TDRD12: variants seen among roughly 807,000 people sequenced by gnomAD.
The protein encoded by TDRD12 is tudor domain containing 12.
Under a neutral mutation model 133.5 loss-of-function variants are expected in TDRD12, and 158 were observed. The observed-to-expected ratio is 1.18, with a 90% CI of 1.04 to 1.35. The LOEUF (loss-of-function observed/expected upper bound fraction) is 1.35, where lower values mean the gene tolerates loss of function less well. TDRD12 is among the 40% of genes most tolerant of loss of function. TDRD12 has a pLI of 0.00. For missense variants in TDRD12, 1,443 were observed against 1,321.3 expected (o/e 1.09, Z -1.43); for synonymous variants, 460 against 477.9 (o/e 0.96, Z 0.49).
chr19:32,776,246 A>G (rs181640177), intron 10 of TDRD12, among the ~76,000 whole-genome samples: 1 of 152,332 alleles, frequency 6.6e-6, no homozygotes, highest in Admixed American at 6.5e-5. Flanking sequence ...TACCTTGAGA[A>G]TAAAACAAGT....
At chr19:32,742,895 C>T (rs1406007694) in exon 4 of TDRD12, 1 of 1,551,472 alleles carries the variant, frequency 6.4e-7, no homozygotes, top group South Asian at 1.2e-5. Context: ...ACAGTACTGA[C>T]ATTGTGTAAG....
chr19:32,727,099 AT>A (rs1175030755), intron 1 of TDRD12, among the ~76,000 whole-genome samples: 1 of 151,992 alleles, frequency 6.6e-6, no homozygotes, highest in African/African-American at 2.4e-5. Flanking sequence ...CCAACACATT[AT>A]TTTCTGTTTT....
At chr19:32,790,398 C>T in intron 11 of TDRD12, 133 bp from the exon 12 acceptor site, 1 of 850,598 alleles carries the variant, frequency 1.2e-6, no homozygotes, top group Non-Finnish European at 1.8e-6. Context: ...CAGAACAGAA[C>T]AGGCAGCAGT....
At chr19:32,748,662 A>T (rs1386038045) in intron 5 of TDRD12, 131 bp downstream of exon 5, 3 of 787,708 alleles carry the variant, frequency 3.8e-6, no homozygotes, top group Non-Finnish European at 5.9e-6. Context: ...TCCCTAAGCT[A>T]CCTGGGGCTT....
intron 11 of TDRD12, among the ~76,000 whole-genome samples, chr19:32,781,170 C>T (rs891534604): frequency 6.6e-6 from 1 of 152,086 alleles, no homozygotes; most frequent in Non-Finnish European, 1.5e-5. Flanking sequence ...GTCTCTATCT[C>T]CTGACCTCAA....
chr19:32,814,204 A>G (rs1967099559), intron 25 of TDRD12, among the ~76,000 whole-genome samples: 1 of 152,010 alleles, frequency 6.6e-6, no homozygotes, highest in South Asian at 2.1e-4. Flanking sequence ...CATCCTGCAG[A>G]GCAGCCGTGG....
At chr19:32,731,794 T>G in exon 2 of TDRD12, 1 of 1,551,430 alleles carries the variant, frequency 6.4e-7, no homozygotes, top group Non-Finnish European at 8.7e-7. Flanking sequence ...TGATGTCGAT[T>G]ATCAAAAATT....
At chr19:32,807,293 AAAAG>A (rs1971581256) in intron 21 of TDRD12, among the ~76,000 whole-genome samples, 1 of 144,644 alleles carries the variant, frequency 6.9e-6, no homozygotes, top group Non-Finnish European at 1.5e-5. Flanking sequence ...AAAAAAAAAA[AAAAG>A]AAAGTTTGCT....
chr19:32,805,518 C>T lies in TDRD12; in HGVS notation c.2553-2031C>T, dbSNP rs112993972. Among the ~76,000 whole-genome samples, 1,380 of 152,026 alleles carry T rather than the reference C, an allele frequency of 9.1e-3. 16 individuals are homozygous for T. The highest frequency in any genetic ancestry group is 0.03 in the African/African-American group (1,238 of 41,456). On this transcript the variant is annotated intron_variant, in intron 21 of 27. Coordinates refer to ENST00000444215, the Ensembl canonical transcript of TDRD12. ...TCATTCGGTTCTCACTGCATGAGTG[C>T]GTTTGCCATGAGCCAGGTGATGGTA...
exon 18 of TDRD12, chr19:32,800,687 T>C: frequency 6.5e-7 from 1 of 1,535,758 alleles, no homozygotes; most frequent in Non-Finnish European, 8.7e-7. Context: ...TCTTCTTTAC[T>C]CCAAGCTCTT....
intron 3 of TDRD12, among the ~76,000 whole-genome samples, chr19:32,739,650 T>TA (rs1969340503): frequency 2.8e-5 from 4 of 142,398 alleles, no homozygotes; most frequent in African/African-American, 2.6e-5. Flanking sequence ...CTGCATCTCC[T>TA]GGTGCTCTCT....
At position 32,733,330 on chromosome 19, in the gene TDRD12, C is replaced by T. The variant is rs766782485; in HGVS notation, c.183+1447C>T. 9.2e-5 allele frequency among the ~76,000 whole-genome samples: 14 copies of T among 152,084 alleles called. 1 individual carries two copies. Among genetic ancestry groups the T allele is most frequent in the African/African-American group, 1.4e-4 (6 of 41,490 alleles). ...CTAAAAATACAAAAAATTAGCTGGG[C>T]GTGGTGGCAGGCACCTGTAATCCCA... is the stretch of plus-strand genomic sequence containing the variant. On this transcript the variant is annotated intron_variant, in intron 2 of 27. Transcript: ENST00000444215.
intron 10 of TDRD12, among the ~76,000 whole-genome samples, chr19:32,775,556 C>T (rs1298441474): frequency 6.6e-6 from 1 of 152,194 alleles, no homozygotes; most frequent in African/African-American, 2.4e-5. Context: ...TGGTCTCCAA[C>T]TCCTGAGACC....
At chr19:32,779,847 T>C (rs1970710353) in intron 11 of TDRD12, among the ~76,000 whole-genome samples, 1 of 152,130 alleles carries the variant, frequency 6.6e-6, no homozygotes, top group African/African-American at 2.4e-5. Context: ...GTCCTGAGCA[T>C]AGGAGGGTGG....
chr19:32,720,034 C>G, exon 1 of TDRD12: 1 of 1,546,784 alleles, frequency 6.5e-7, no homozygotes, highest in Non-Finnish European at 8.7e-7. Context: ...AGGGGACTTC[C>G]AGGGCGAGGG....
chr19:32,756,671 A>G (rs1389642639), intron 7 of TDRD12, among the ~76,000 whole-genome samples: 1 of 152,156 alleles, frequency 6.6e-6, no homozygotes, highest in Non-Finnish European at 1.5e-5. Context: ...TACAGGCGTG[A>G]CACCGCGCCC....
Position 32,777,248 on chromosome 19 carries a change from G to A in TDRD12, c.1121+19G>A, listed in dbSNP as rs1334402781. The A allele has an allele frequency of 2.9e-6, 4 of 1,386,086 alleles. No homozygotes were observed. Among genetic ancestry groups the A allele is most frequent in the Non-Finnish European group, 3.9e-6 (4 of 1,021,392 alleles). The allele number at this position is 1,386,086 out of a possible 1,614,324, so 85.9% of individuals were successfully genotyped here. On this transcript the variant is annotated intron_variant, in intron 11 of 27. Coordinates refer to ENST00000444215, the Ensembl canonical transcript of TDRD12. The stretch of plus-strand genomic sequence containing the variant: ...GTGTGAAGTAAGAATTTTTTCCTTG[G>A]CCTGAATTGTGTATTGAAATAATTA...
rs540798861 is a variant in TDRD12 at position 32,743,642 on chromosome 19, C to T, written c.440+742C>T. Among the ~76,000 whole-genome samples, 12 of 151,844 alleles carry T rather than the reference C, an allele frequency of 7.9e-5. No homozygotes were observed. In the East Asian group the frequency reaches 2.3e-3, roughly 29 times the overall value. On this transcript the variant is annotated intron_variant, in intron 4 of 27. Transcript: ENST00000444215. ...GTGATCTTTTCCAGCTCTGAACTTG[C>T]AGGCCTTTGTCAGTGCTTTTACACA... is the stretch of plus-strand genomic sequence containing the variant.
At chr19:32,809,357 A>G (rs1966919825) in intron 22 of TDRD12, among the ~76,000 whole-genome samples, 2 of 152,096 alleles carry the variant, frequency 1.3e-5, no homozygotes, top group African/African-American at 4.8e-5. Flanking sequence ...TGCCTCTTCT[A>G]GAGCTCTCTG....
Sources: allele counts gnomAD v4.1 joint callset (sites outside exome capture counted in the v4.1 genomes callset), GRCh38; gene constraint gnomAD v4.1.1; transcripts MANE v1.5; gene names NCBI Gene and HGNC (gene_info 2026-07-23, HGNC 2026-07-21).